The following XIAP variants were observed in gnomAD, a reference collection of about 807,000 sequenced individuals.
The protein encoded by XIAP is X-linked inhibitor of apoptosis.
XIAP carries 3 observed loss-of-function variants against 33.1 expected under a neutral mutation model. That is an observed-to-expected ratio of 0.09 (90% CI 0.04 to 0.23). The LOEUF (loss-of-function observed/expected upper bound fraction) is 0.23. XIAP is among the 10% of genes least tolerant of loss of function. The pLI is 1.00. For missense variants in XIAP, 264 were observed against 363.0 expected, an observed-to-expected ratio of 0.73 and a Z score of 2.22; for synonymous variants, 98 against 121.3, an observed-to-expected ratio of 0.81 and a Z score of 1.26.
intron 1 of XIAP, among the ~76,000 whole-genome samples, chrX:123,861,765 A>G (rs1479787869): frequency 1.8e-5 from 2 of 112,039 alleles, no homozygotes; most frequent in Admixed American, 9.6e-5. Flanking sequence ...GTATTTATAC[A>G]TATCAGTGGT....
At chrX:123,904,616 A>ATTTTG (rs112899247) in intron 6 of XIAP, among the ~76,000 whole-genome samples, 20,441 of 109,038 alleles carry the variant, frequency 0.19, 1,470 homozygotes, top group South Asian at 0.37. Flanking sequence ...GTTTTGTTTT[A>ATTTTG]TTTTGTTTTG....
rs755335432 is a variant in XIAP, at chrX:123,912,476, A to C, written c.*5295A>C. ...AAGGCAAAACCCTGTCTCTACAAAA[A>C]ATACAAAAATTAGCTGGGCATGGTG... On this transcript the variant is annotated 3_prime_UTR_variant, in exon 7 of 7. Transcript: ENST00000371199. 1 of 328,372 alleles carries C rather than the reference A, an allele frequency of 3.0e-6. No homozygotes were observed. The allele number at this position is 328,372 out of a possible 1,213,427, so 27.1% of individuals were successfully genotyped here.
intron 1 of XIAP, among the ~76,000 whole-genome samples, chrX:123,866,722 C>A (rs749314944): frequency 9.4e-6 from 1 of 106,213 alleles, no homozygotes; most frequent in South Asian, 3.9e-4. Flanking sequence ...CTCTGTCACC[C>A]AGGCTGGAGT....
rs2053343511 is a variant in XIAP, at chrX:123,885,542, A to G, written c.-32-89A>G. On this transcript the variant is annotated intron_variant, in intron 1 of 6. Transcript: ENST00000371199. ...GCGGTCGTGTAGTTATTTTTATGTC[A>G]TAAGTGGATAATTTGTTAGCTCCTA... 5.4e-6 allele frequency: 4 copies of G among 738,006 alleles called. No individual in the cohort carries two copies. In the South Asian group the frequency reaches 1.0e-4, roughly 19 times the overall value. 60.8% of individuals were successfully genotyped at this position (738,006 alleles called of 1,213,427 possible).
intron 2 of XIAP, among the ~76,000 whole-genome samples, chrX:123,888,225 C>T (rs988246659): frequency 2.4e-4 from 27 of 110,650 alleles, no homozygotes; most frequent in Non-Finnish European, 4.9e-4. Flanking sequence ...ATCCCAGCTA[C>T]TTGAGAGGCT....
rs745482676 is a variant in XIAP, at chrX:123,912,776, G to C, written c.*5595G>C. 3.1e-6 allele frequency: 1 copy of C among 323,775 alleles called. No homozygotes were observed. Among genetic ancestry groups the C allele is most frequent in the African/African-American group, 2.7e-5 (1 of 36,902 alleles). 26.7% of individuals were successfully genotyped at this position (323,775 alleles called of 1,213,427 possible). ...CTTGGCTCATGGCAAACTCTGCCTCGCAAGCAGCTGGGACTACAGGCATGC... is the reference window on the plus strand; with the variant it reads ...CTTGGCTCATGGCAAACTCTGCCTCCCAAGCAGCTGGGACTACAGGCATGC... On this transcript the variant is annotated 3_prime_UTR_variant, in exon 7 of 7. Coordinates refer to ENST00000371199, the MANE Select transcript of XIAP (RefSeq NM_001167.4).
chrX:123,866,648 AAC>A (rs1323207455), intron 1 of XIAP, among the ~76,000 whole-genome samples: 5 of 103,453 alleles, frequency 4.8e-5, no homozygotes, highest in South Asian at 3.9e-4. Flanking sequence ...TATAATATAT[AAC>A]ACAATATAAT....
At chrX:123,887,965 CAA>C (rs1354090331) in intron 2 of XIAP, among the ~76,000 whole-genome samples, 2 of 107,240 alleles carry the variant, frequency 1.9e-5, no homozygotes, top group South Asian at 4.0e-4. Flanking sequence ...GCCTGGGCAA[CAA>C]GAGTAAAACT....
chrX:123,898,859 G>A (rs1391682002), intron 5 of XIAP, among the ~76,000 whole-genome samples: 2 of 104,212 alleles, frequency 1.9e-5, no homozygotes, highest in African/African-American at 3.5e-5. Context: ...AGTGGCTCAC[G>A]CCTGTAATCC....
intron 6 of XIAP, among the ~76,000 whole-genome samples, chrX:123,904,103 G>A (rs1194974814): frequency 9.0e-6 from 1 of 111,296 alleles, no homozygotes; most frequent in African/African-American, 3.3e-5. Flanking sequence ...TTGTTTGTTT[G>A]TTTCTTCCTT....
intron 6 of XIAP, among the ~76,000 whole-genome samples, chrX:123,906,521 T>A (rs1221279700): frequency 8.9e-6 from 1 of 111,999 alleles, no homozygotes. Context: ...ACTTCAGAAG[T>A]GTCCCTCAAA....
intron 5 of XIAP, among the ~76,000 whole-genome samples, chrX:123,896,123 A>G (rs1345964297): frequency 9.2e-6 from 1 of 109,171 alleles, no homozygotes; most frequent in African/African-American, 3.3e-5. Flanking sequence ...GCTGGAGTGC[A>G]ATAGTACAGT....
intron 1 of XIAP, among the ~76,000 whole-genome samples, chrX:123,864,767 CGTGTGTGT>C (rs752421505): frequency 0.024 from 1,253 of 52,590 alleles, 21 homozygotes; most frequent in South Asian, 0.029. Flanking sequence ...GTCGCATTCT[CGTGTGTGT>C]GTGTGTGTGT....
In XIAP at chrX:123,879,723, G is replaced by C. The variant is rs527450970; in HGVS notation, c.-32-5908G>C. On this transcript the variant is annotated intron_variant, in intron 1 of 6. Transcript: ENST00000371199. ...CTCGATTTATTTAATATTACTTTCC[G>C]AGTCTTGTCTATAAGTATACATTTT... Among the ~76,000 whole-genome samples, 4 of 111,793 alleles carry C rather than the reference G, an allele frequency of 3.6e-5. No individual in the cohort carries two copies. The South Asian group carries it at 1.5e-3, about 41-fold the overall frequency.
rs2053344451 is a variant in XIAP at position 123,885,676 on chromosome X, G to A, written c.14G>A (p.Ser5Asn). ...TTTCAAGAGAAGATGACTTTTAACA[G>A]TTTTGAAGGATCTAAAACTTGTGTA... is the stretch of plus-strand genomic sequence containing the variant. MTFN[S>N]FEGSKTCVPA... Residue 5 changes from serine (S) to asparagine (N), a missense_variant, in exon 2 of 7, where the codon AGT (serine) becomes AAT (asparagine). By Grantham distance (46) the Ser-to-Asn change is conservative. Transcript: ENST00000371199. The A allele has an allele frequency of 8.3e-7, 1 of 1,210,556 alleles. No individual in the cohort carries two copies. Among genetic ancestry groups the A allele is most frequent in the East Asian group, 3.0e-5 (1 of 33,873 alleles).
At chrX:123,861,215 G>C (rs935850108) in intron 1 of XIAP, among the ~76,000 whole-genome samples, 16 of 111,644 alleles carry the variant, frequency 1.4e-4, no homozygotes, top group African/African-American at 5.2e-4. Context: ...CTTGCTAAAG[G>C]CTATCCAACT....
At position 123,913,538 on chromosome X, in the gene XIAP, G is replaced by A. The variant is rs41312771; in HGVS notation, c.*6357G>A. ...TGTTTGGGTGGTCAGATTCTACTTTGAATCTGAAGTTTGCAGATATGCCTA... is the reference window on the plus strand; with the variant it reads ...TGTTTGGGTGGTCAGATTCTACTTTAAATCTGAAGTTTGCAGATATGCCTA... On this transcript the variant is annotated 3_prime_UTR_variant, in exon 7 of 7. Coordinates refer to ENST00000371199, the MANE Select transcript of XIAP (RefSeq NM_001167.4). 4,090 of 326,364 alleles carry A rather than the reference G, an allele frequency of 0.013. 26 individuals carry two copies. The highest frequency in any genetic ancestry group is 0.019 in the Non-Finnish European group (3,259 of 169,328). The allele number at this position is 326,364 out of a possible 1,213,427, so 26.9% of individuals were successfully genotyped here.
chrX:123,873,656 C>T (rs1315856328), intron 1 of XIAP, among the ~76,000 whole-genome samples: 2 of 109,401 alleles, frequency 1.8e-5, no homozygotes, highest in African/African-American at 3.3e-5. Context: ...GGCGTCGTGG[C>T]GGCACACACC....
At chrX:123,892,618 G>A in intron 4 of XIAP, 113 bp from the exon 5 acceptor site, 1 of 609,791 alleles carries the variant, frequency 1.6e-6, no homozygotes. Context: ...TTCATATATT[G>A]AATTGGAATA....
Sources: allele counts gnomAD v4.1 joint callset (sites outside exome capture counted in the v4.1 genomes callset), GRCh38; gene constraint gnomAD v4.1.1; transcripts MANE v1.5; gene names NCBI Gene and HGNC (gene_info 2026-07-23, HGNC 2026-07-21).